The following MAGI1 variants were observed in gnomAD, a reference collection of about 807,000 sequenced individuals.
MAGI1 encodes the protein membrane-associated guanylate kinase, WW and PDZ domain-containing protein 1.
MAGI1 carries 58 observed loss-of-function variants against 139.9 expected under a neutral mutation model. The ratio of observed to expected loss-of-function variants is 0.41; its 90% CI spans 0.34 to 0.52. The LOEUF (loss-of-function observed/expected upper bound fraction) is 0.52. Ranked by LOEUF, MAGI1 falls within the 20% of genes least tolerant of loss-of-function variation. The pLI is 0.12. For synonymous variants in MAGI1, 812 were observed against 737.9 expected, an observed-to-expected ratio of 1.10 and a Z score of -1.63; for missense variants, 1,874 against 1,901.6, an observed-to-expected ratio of 0.99 and a Z score of 0.27.
chr3:65,769,050 C>T (rs1054383947), intron 1 of MAGI1, among the ~76,000 whole-genome samples: 2 of 151,886 alleles, frequency 1.3e-5, no homozygotes, highest in Non-Finnish European at 2.9e-5. Flanking sequence ...TTTAAAGCCA[C>T]TGGGCCTGAA....
intron 12 of MAGI1, among the ~76,000 whole-genome samples, chr3:65,429,138 A>C (rs1031610754): frequency 5.3e-5 from 8 of 151,992 alleles, no homozygotes; most frequent in African/African-American, 1.9e-4. Flanking sequence ...ATATAAAAAA[A>C]CTTTTTAGAG....
chr3:65,837,121 AT>A (rs1409125988), intron 1 of MAGI1, among the ~76,000 whole-genome samples: 2 of 152,318 alleles, frequency 1.3e-5, no homozygotes, highest in Admixed American at 6.5e-5. Flanking sequence ...TGCAAAAAAA[AT>A]AAAAAAATAA....
intron 1 of MAGI1, among the ~76,000 whole-genome samples, chr3:65,795,412 C>T (rs1191994662): frequency 1.3e-5 from 2 of 152,046 alleles, no homozygotes; most frequent in Non-Finnish European, 2.9e-5. Flanking sequence ...CAGGTGGCTA[C>T]GCTGCATGAA....
chr3:65,792,048 A>C (rs1297668812), intron 1 of MAGI1, among the ~76,000 whole-genome samples: 1 of 151,928 alleles, frequency 6.6e-6, no homozygotes, highest in African/African-American at 2.4e-5. Context: ...ACATACATAC[A>C]TACTTCTGAT....
chr3:65,430,208 T>A, intron 11 of MAGI1, 68 bp from the exon 12 acceptor site: 6 of 1,497,428 alleles, frequency 4.0e-6, no homozygotes, highest in Non-Finnish European at 5.5e-6. Flanking sequence ...TATTATAATA[T>A]CTCCCACTAA....
At chr3:65,558,049 G>A (rs1201640972) in intron 2 of MAGI1, among the ~76,000 whole-genome samples, 3 of 152,144 alleles carry the variant, frequency 2.0e-5, no homozygotes, top group Non-Finnish European at 4.4e-5. Flanking sequence ...TGTCCGGACT[G>A]CAGTCTCTCT....
chr3:65,491,026 C>T (rs770131287), intron 3 of MAGI1, among the ~76,000 whole-genome samples: 1 of 151,978 alleles, frequency 6.6e-6, no homozygotes, highest in Non-Finnish European at 1.5e-5. Flanking sequence ...ACAAAGGCAC[C>T]GTTTTCTACA....
At chr3:65,740,032 A>G (rs1336738535) in intron 1 of MAGI1, among the ~76,000 whole-genome samples, 1 of 152,204 alleles carries the variant, frequency 6.6e-6, no homozygotes, top group African/African-American at 2.4e-5. Flanking sequence ...AAAGTGCAAT[A>G]GAGGGACACA....
At chr3:65,467,593 C>G (rs533218628) in intron 5 of MAGI1, among the ~76,000 whole-genome samples, 2 of 152,300 alleles carry the variant, frequency 1.3e-5, no homozygotes, top group South Asian at 4.1e-4. Context: ...CAGCTAAAAC[C>G]TAAGTTATAA....
intron 1 of MAGI1, among the ~76,000 whole-genome samples, chr3:65,643,685 C>T (rs1204799422): frequency 1.3e-5 from 2 of 148,788 alleles, no homozygotes; most frequent in African/African-American, 5.0e-5. Context: ...AACAACAAAG[C>T]CTGTTCTCTC....
rs190097504 is a variant in MAGI1, at chr3:65,471,261, C to T, written c.758-777G>A. 1.6e-4 allele frequency among the ~76,000 whole-genome samples: 25 copies of T among 152,234 alleles called. No individual in the cohort carries two copies. In the East Asian group the frequency reaches 4.6e-3, roughly 28 times the overall value. On this transcript the variant is annotated intron_variant, in intron 4 of 22. Transcript: ENST00000402939. ...ATGTCATCAAAGTATCCCCGAATGGCATTATTGACATTCTGGTTGAATTTT... is the reference window on the plus strand; with the variant it reads ...ATGTCATCAAAGTATCCCCGAATGGTATTATTGACATTCTGGTTGAATTTT...
At chr3:66,020,621 T>A (rs931027289) in intron 1 of MAGI1, among the ~76,000 whole-genome samples, 2 of 152,206 alleles carry the variant, frequency 1.3e-5, no homozygotes, top group African/African-American at 2.4e-5. Context: ...TGAAGCTCCA[T>A]CCTTCTGAAA....
chr3:65,911,473 C>A (rs2061667516), intron 1 of MAGI1, among the ~76,000 whole-genome samples: 1 of 152,120 alleles, frequency 6.6e-6, no homozygotes, highest in Non-Finnish European at 1.5e-5. Flanking sequence ...CTGTAAACTG[C>A]TCCATGTATC....
intron 1 of MAGI1, among the ~76,000 whole-genome samples, chr3:65,649,201 C>A (rs948761471): frequency 2.0e-5 from 3 of 151,964 alleles, no homozygotes; most frequent in Non-Finnish European, 4.4e-5. Context: ...CAGTGAGACA[C>A]CCCACCCCAA....
rs565837490 is a variant in MAGI1, at chr3:66,024,968, TG to T, written c.313+13027del. Among the ~76,000 whole-genome samples the T allele has an allele frequency of 3.3e-5, 5 of 152,230 alleles. No individual in the cohort carries two copies. In the South Asian group the frequency reaches 1.0e-3, roughly 32 times the overall value. On this transcript the variant is annotated intron_variant, in intron 1 of 22. Transcript: ENST00000402939. The stretch of plus-strand genomic sequence containing the variant: ...AAGGGATATTAGTTAATATATTCTC[TG>T]GGGGGGTAAAATGATGATGGATACC...
chr3:65,742,726 G>A (rs1459031646), intron 1 of MAGI1, among the ~76,000 whole-genome samples: 1 of 152,120 alleles, frequency 6.6e-6, no homozygotes, highest in Non-Finnish European at 1.5e-5. Flanking sequence ...CCAATGAACT[G>A]TCCTAAGACT....
chr3:65,642,108 C>T (rs1175649501), intron 1 of MAGI1, among the ~76,000 whole-genome samples: 2 of 152,062 alleles, frequency 1.3e-5, no homozygotes, highest in South Asian at 2.1e-4. Flanking sequence ...ATTTAGAAAG[C>T]ACTGGAAAAG....
intron 1 of MAGI1, among the ~76,000 whole-genome samples, chr3:65,697,000 G>C (rs895949295): frequency 1.3e-5 from 2 of 152,134 alleles, no homozygotes; most frequent in East Asian, 1.9e-4. Flanking sequence ...GAAGAAAAGA[G>C]AGAAGAATCA....
At chr3:65,783,726 C>T (rs1171211322) in intron 1 of MAGI1, among the ~76,000 whole-genome samples, 3 of 149,780 alleles carry the variant, frequency 2.0e-5, no homozygotes, top group Admixed American at 1.3e-4. Flanking sequence ...TCAAACTCCA[C>T]GGCTCAAGCA....
Sources: gnomAD v4.1 joint callset for allele counts (sites outside exome capture counted in the v4.1 genomes callset) on GRCh38, gnomAD v4.1.1 for gene constraint, MANE v1.5 for transcripts, NCBI Gene and HGNC (gene_info 2026-07-23, HGNC 2026-07-21) for gene names.